AOPEP: variants seen among roughly 807,000 people sequenced by gnomAD.
AOPEP encodes the protein aminopeptidase O (putative), also known as aminopeptidase O.
In AOPEP, 77 loss-of-function variants were observed where a neutral mutation model predicts 98.1. The ratio of observed to expected loss-of-function variants is 0.78; its 90% CI spans 0.65 to 0.95. The LOEUF (loss-of-function observed/expected upper bound fraction) is 0.95, where lower values mean the gene tolerates loss of function less well. Among genes scored for constraint, AOPEP ranks in the 40% least tolerant of loss-of-function variants. The pLI, the probability that AOPEP is intolerant of heterozygous loss-of-function variation, is 0.00. For synonymous variants in AOPEP, 346 were observed against 365.3 expected (o/e 0.95, Z 0.60); for missense variants, 1,024 against 1,024.7 (o/e 1.00, Z 0.01).
intron 9 of AOPEP, among the ~76,000 whole-genome samples, chr9:94,963,181 A>G (rs2058970920): frequency 1.3e-5 from 2 of 151,890 alleles, no homozygotes; most frequent in African/African-American, 4.8e-5. Context: ...TGCCTCTACT[A>G]CCTCCCACCC....
chr9:94,757,318 T>C (rs1364915126), intron 1 of AOPEP, among the ~76,000 whole-genome samples: 1 of 152,210 alleles, frequency 6.6e-6, no homozygotes, highest in Non-Finnish European at 1.5e-5. Flanking sequence ...ATTGCCTCTG[T>C]GGAGAGTATG....
intron 4 of AOPEP, among the ~76,000 whole-genome samples, chr9:94,797,838 G>A (rs996753267): frequency 6.6e-6 from 1 of 151,938 alleles, no homozygotes; most frequent in Admixed American, 6.6e-5. Context: ...AAGTAGCTGG[G>A]ATTACAGGCA....
chr9:95,111,528 G>A, the AOPEP span: 8 of 1,614,150 alleles, frequency 5.0e-6, no homozygotes, highest in African/African-American at 1.3e-5. Flanking sequence ...AGCCACAGCA[G>A]GGCCGTGGGG....
At chr9:94,742,225 GAGT>G (rs1833300454) in intron 1 of AOPEP, among the ~76,000 whole-genome samples, 1 of 152,016 alleles carries the variant, frequency 6.6e-6, no homozygotes, top group Non-Finnish European at 1.5e-5. Context: ...TGATTGGGTC[GAGT>G]TACAAAGAAG....
intron 13 of AOPEP, among the ~76,000 whole-genome samples, chr9:95,027,658 G>C (rs1440054697): frequency 6.6e-6 from 1 of 152,138 alleles, no homozygotes; most frequent in Admixed American, 6.5e-5. Context: ...TTAGAATTTG[G>C]TAGCTTTTAA....
At chr9:94,827,965 G>C (rs1855014855) in intron 5 of AOPEP, among the ~76,000 whole-genome samples, 1 of 152,106 alleles carries the variant, frequency 6.6e-6, no homozygotes, top group East Asian at 1.9e-4. Context: ...CCCGGACACA[G>C]AATAAGAACA....
intron 11 of AOPEP, among the ~76,000 whole-genome samples, chr9:94,984,956 A>T (rs1410885139): frequency 6.6e-6 from 1 of 152,238 alleles, no homozygotes; most frequent in Non-Finnish European, 1.5e-5. Flanking sequence ...CACAGTAGAC[A>T]TTCAGAGGGC....
intron 7 of AOPEP, among the ~76,000 whole-genome samples, chr9:94,952,540 G>C (rs80170671): frequency 0.041 from 6,229 of 152,254 alleles, 434 homozygotes; most frequent in African/African-American, 0.14. Context: ...GCACTTCGTG[G>C]ACCTGACTTC....
chr9:95,101,709 A>G, the AOPEP span: 1 of 1,613,818 alleles, frequency 6.2e-7, no homozygotes, highest in South Asian at 1.1e-5. Flanking sequence ...CGTGCCTTCT[A>G]GACTTGAGTT....
chr9:95,111,314 C>T, the AOPEP span: 612 of 1,592,972 alleles, frequency 3.8e-4, 8 homozygotes, highest in South Asian at 6.3e-3. Flanking sequence ...CTGGAGATCA[C>T]CATGCCTGCA....
intron 9 of AOPEP, among the ~76,000 whole-genome samples, chr9:94,964,217 C>T (rs1243949625): frequency 6.6e-6 from 1 of 152,218 alleles, no homozygotes; most frequent in African/African-American, 2.4e-5. Context: ...TCGCTGGCAG[C>T]CTCCAGCTCA....
chr9:94,909,135 C>T (rs2051612695), intron 5 of AOPEP, among the ~76,000 whole-genome samples: 1 of 152,118 alleles, frequency 6.6e-6, no homozygotes, highest in Non-Finnish European at 1.5e-5. Flanking sequence ...GAATGGAAAT[C>T]ACGCCACACA....
chr9:95,135,020 A>G, the AOPEP span, among the ~76,000 whole-genome samples: 6 of 152,310 alleles, frequency 3.9e-5, no homozygotes, highest in South Asian at 6.2e-4. Context: ...CCTCTTACCC[A>G]TATGTTCATT....
rs1177061875 is a variant in AOPEP, at chr9:94,989,974, C to CT, written c.1977+10548dup. Among the ~76,000 whole-genome samples the CT allele has an allele frequency of 2.0e-5, 3 of 152,178 alleles. No homozygotes were observed. The East Asian group carries it at 5.8e-4, about 29-fold the overall frequency. ...TTCAAGCAGTTTGCCAAACATTGCG[C>CT]TGGGTGGTTTGCATATAAAGCCGAA... On this transcript the variant is annotated intron_variant, in intron 11 of 16. Coordinates refer to ENST00000375315, the MANE Select transcript of AOPEP (RefSeq NM_001193329.3).
At chr9:94,862,995 A>G (rs1395173976) in intron 5 of AOPEP, among the ~76,000 whole-genome samples, 1 of 152,184 alleles carries the variant, frequency 6.6e-6, no homozygotes, top group African/African-American at 2.4e-5. Flanking sequence ...GTCTACATGG[A>G]CTTGTTTTCC....
chr9:95,144,362 T>G, the AOPEP span, among the ~76,000 whole-genome samples: 1 of 152,188 alleles, frequency 6.6e-6, no homozygotes, highest in Non-Finnish European at 1.5e-5. Context: ...AGACATAACT[T>G]TCCAAACCAA....
At chr9:94,833,313 C>T (rs535862643) in intron 5 of AOPEP, among the ~76,000 whole-genome samples, 10 of 143,076 alleles carry the variant, frequency 7.0e-5, no homozygotes, top group South Asian at 2.3e-4. Flanking sequence ...TCTCAGCTCA[C>T]GGCAACCTTT....
intron 1 of AOPEP, among the ~76,000 whole-genome samples, chr9:94,737,280 T>G (rs1331926969): frequency 6.6e-6 from 1 of 152,080 alleles, no homozygotes; most frequent in African/African-American, 2.4e-5. Context: ...AATTTTAAAA[T>G]TTTTCTTTTG....
intron 5 of AOPEP, among the ~76,000 whole-genome samples, chr9:94,835,313 A>G (rs2041455505): frequency 1.3e-5 from 2 of 152,036 alleles, no homozygotes; most frequent in African/African-American, 4.8e-5. Context: ...CTAAGGATAG[A>G]TGTGGTCAAG....
Sources: gnomAD v4.1 joint callset for allele counts (sites outside exome capture counted in the v4.1 genomes callset) on GRCh38, gnomAD v4.1.1 for gene constraint, MANE v1.5 for transcripts, NCBI Gene and HGNC (gene_info 2026-07-23, HGNC 2026-07-21) for gene names.